GPC6: variants seen among roughly 807,000 people sequenced by gnomAD.
GPC6 encodes the protein glypican 6, also known as glypican-6.
GPC6 carries 14 observed loss-of-function variants against 55.2 expected under a neutral mutation model. The observed-to-expected ratio is 0.25, with a 90% CI of 0.17 to 0.40. GPC6 has a LOEUF of 0.40. GPC6 is among the 10% of genes least tolerant of loss of function. GPC6 has a pLI of 1.00. For synonymous variants in GPC6, 278 were observed against 259.6 expected (o/e 1.07, Z -0.68); for missense variants, 641 against 708.5 (o/e 0.90, Z 1.08).
chr13:94,202,651 T>C (rs143893150), intron 4 of GPC6, among the ~76,000 whole-genome samples: 568 of 152,248 alleles, frequency 3.7e-3, no homozygotes, highest in Non-Finnish European at 5.7e-3. Flanking sequence ...AGCTGAACCA[T>C]ATCAGTGCAA....
At chr13:94,265,210 A>G (rs915154926) in intron 4 of GPC6, among the ~76,000 whole-genome samples, 2 of 152,198 alleles carry the variant, frequency 1.3e-5, no homozygotes, top group African/African-American at 2.4e-5. Flanking sequence ...GAGGGAAAGA[A>G]CTAATAGGAT....
At chr13:94,055,417 A>C (rs1884097844) in intron 4 of GPC6, among the ~76,000 whole-genome samples, 1 of 152,214 alleles carries the variant, frequency 6.6e-6, no homozygotes, top group Non-Finnish European at 1.5e-5. Flanking sequence ...CTTAGAGCAA[A>C]TCACTACAGA....
At chr13:93,337,729 A>T (rs570109179) in intron 1 of GPC6, among the ~76,000 whole-genome samples, 1 of 152,356 alleles carries the variant, frequency 6.6e-6, no homozygotes, top group Admixed American at 6.5e-5. Flanking sequence ...GGAGATGCTT[A>T]TGTTGCAGCT....
At chr13:93,424,100 A>C (rs577013150) in intron 1 of GPC6, among the ~76,000 whole-genome samples, 1 of 152,278 alleles carries the variant, frequency 6.6e-6, no homozygotes, top group East Asian at 1.9e-4. Context: ...CCCTGGGAAA[A>C]ACACTCTGAG....
intron 4 of GPC6, among the ~76,000 whole-genome samples, chr13:94,089,494 G>C (rs1885404732): frequency 6.6e-6 from 1 of 152,178 alleles, no homozygotes; most frequent in African/African-American, 2.4e-5. Flanking sequence ...TGGCTTGAAA[G>C]CAGGGGCTCT....
At chr13:94,274,517 C>T (rs1269194830) in intron 4 of GPC6, among the ~76,000 whole-genome samples, 3 of 152,152 alleles carry the variant, frequency 2.0e-5, no homozygotes, top group Admixed American at 6.5e-5. Context: ...TCTGTAGCTA[C>T]ATCTGATTCC....
intron 3 of GPC6, among the ~76,000 whole-genome samples, chr13:93,952,551 T>C (rs982620348): frequency 3.3e-5 from 5 of 152,038 alleles, no homozygotes; most frequent in African/African-American, 1.2e-4. Flanking sequence ...ATCTTTTATT[T>C]TTGAACTCCA....
chr13:93,576,819 G>A (rs559290028), intron 2 of GPC6, among the ~76,000 whole-genome samples: 1 of 152,204 alleles, frequency 6.6e-6, no homozygotes, highest in African/African-American at 2.4e-5. Flanking sequence ...ATTTATCATT[G>A]TATATATTGC....
At chr13:94,252,120 A>T (rs1891368338) in intron 4 of GPC6, among the ~76,000 whole-genome samples, 1 of 152,050 alleles carries the variant, frequency 6.6e-6, no homozygotes, top group African/African-American at 2.4e-5. Context: ...TCAATGTCCC[A>T]TACTTATTTC....
intron 4 of GPC6, among the ~76,000 whole-genome samples, chr13:94,226,854 G>A (rs765559723): frequency 3.9e-5 from 6 of 152,186 alleles, no homozygotes; most frequent in Non-Finnish European, 7.3e-5. Context: ...GCCTCCTGGA[G>A]CCATTCAGTG....
intron 2 of GPC6, among the ~76,000 whole-genome samples, chr13:93,695,674 G>A (rs1375034810): frequency 2.6e-5 from 4 of 151,934 alleles, no homozygotes; most frequent in African/African-American, 9.7e-5. Context: ...ATGCAAAATA[G>A]TGTAAGATGA....
intron 4 of GPC6, among the ~76,000 whole-genome samples, chr13:94,278,693 T>G (rs1892283684): frequency 6.6e-6 from 1 of 152,198 alleles, no homozygotes; most frequent in East Asian, 1.9e-4. Context: ...ATTGAGATAG[T>G]CATGTGGTTT....
At chr13:93,396,232 G>A (rs1227677864) in intron 1 of GPC6, among the ~76,000 whole-genome samples, 1 of 152,140 alleles carries the variant, frequency 6.6e-6, no homozygotes, top group Non-Finnish European at 1.5e-5. Flanking sequence ...ATTATAAAAT[G>A]TTAATTATCC....
intron 4 of GPC6, among the ~76,000 whole-genome samples, chr13:94,207,639 C>CT (rs547352619): frequency 3.3e-5 from 5 of 152,124 alleles, no homozygotes; most frequent in Non-Finnish European, 7.4e-5. Context: ...AATGAATACT[C>CT]TTTTTTTCCC....
At chr13:93,786,740 T>TGTGACTA (rs1232077030) in intron 2 of GPC6, among the ~76,000 whole-genome samples, 2 of 148,058 alleles carry the variant, frequency 1.4e-5, no homozygotes, top group Non-Finnish European at 3.0e-5. Flanking sequence ...ACTAAGCACC[T>TGTGACTA]AGAGTATATT....
At chr13:93,772,501 G>T (rs1885334430) in intron 2 of GPC6, among the ~76,000 whole-genome samples, 1 of 152,034 alleles carries the variant, frequency 6.6e-6, no homozygotes, top group Admixed American at 6.6e-5. Context: ...GACATCTTGT[G>T]ATGAGCAGAG....
chr13:93,322,646 G>GC (rs1269969427), intron 1 of GPC6, among the ~76,000 whole-genome samples: 1 of 151,472 alleles, frequency 6.6e-6, no homozygotes, highest in African/African-American at 2.4e-5. Context: ...CACCATGTTG[G>GC]CCAGGCTGGT....
intron 2 of GPC6, among the ~76,000 whole-genome samples, chr13:93,824,737 A>G (rs1887173568): frequency 6.6e-6 from 1 of 152,182 alleles, no homozygotes; most frequent in Non-Finnish European, 1.5e-5. Context: ...GTCCTGTTCT[A>G]AGATGTGGTT....
At chr13:94,242,840 G>C (rs887863319) in intron 4 of GPC6, among the ~76,000 whole-genome samples, 2 of 151,884 alleles carry the variant, frequency 1.3e-5, no homozygotes, top group African/African-American at 4.8e-5. Flanking sequence ...ACAGTCTGTT[G>C]GGTTTGTAGT....
Sources: gnomAD v4.1 joint callset for allele counts (sites outside exome capture counted in the v4.1 genomes callset) on GRCh38, gnomAD v4.1.1 for gene constraint, MANE v1.5 for transcripts, NCBI Gene and HGNC (gene_info 2026-07-23, HGNC 2026-07-21) for gene names.